Variants in ZFAND3 observed in about 807,000 individuals in gnomAD.
ZFAND3 encodes the protein zinc finger AN1-type containing 3.
Under a neutral mutation model 29.6 loss-of-function variants are expected in ZFAND3, and 10 were observed. The ratio of observed to expected loss-of-function variants is 0.34; its 90% CI spans 0.21 to 0.57. The LOEUF is 0.57. Among genes scored for constraint, ZFAND3 ranks in the 20% least tolerant of loss-of-function variants. The pLI, the probability that ZFAND3 is intolerant of heterozygous loss-of-function variation, is 0.86. For synonymous variants in ZFAND3, 128 were observed against 112.6 expected (o/e 1.14, Z -0.87); for missense variants, 230 against 304.5 (o/e 0.76, Z 1.82).
chr6:37,920,170 G>A (rs901329651), intron 1 of ZFAND3, among the ~76,000 whole-genome samples: 1 of 148,772 alleles, frequency 6.7e-6, no homozygotes, highest in Middle Eastern at 3.5e-3. Flanking sequence ...GATAACTTTA[G>A]GGAAGAAAAC....
chr6:37,887,246 T>C (rs892328230), intron 1 of ZFAND3, among the ~76,000 whole-genome samples: 1 of 152,216 alleles, frequency 6.6e-6, no homozygotes, highest in Non-Finnish European at 1.5e-5. Context: ...AGTAATTCTC[T>C]TGTAAAAACA....
intron 2 of ZFAND3, among the ~76,000 whole-genome samples, chr6:37,966,314 AC>A (rs1157092724): frequency 4.6e-5 from 7 of 152,202 alleles, no homozygotes. Flanking sequence ...TTTAGGGAAA[AC>A]TAAGCATTAC....
intron 4 of ZFAND3, among the ~76,000 whole-genome samples, chr6:38,113,620 G>A (rs78870168): frequency 0.013 from 1,952 of 152,314 alleles, 19 homozygotes; most frequent in Middle Eastern, 0.044. Context: ...TCCCATCAAA[G>A]TGGGTTGTTT....
intron 1 of ZFAND3, among the ~76,000 whole-genome samples, chr6:37,920,422 TAG>T (rs1199722055): frequency 6.6e-6 from 1 of 152,260 alleles, no homozygotes; most frequent in Admixed American, 6.5e-5. Context: ...CTGTAATTGT[TAG>T]ATGGTGCTGG....
At chr6:38,021,252 G>C (rs1387208073) in intron 2 of ZFAND3, among the ~76,000 whole-genome samples, 1 of 152,198 alleles carries the variant, frequency 6.6e-6, no homozygotes, top group Non-Finnish European at 1.5e-5. Context: ...GCCGCGATAA[G>C]TAATGTGGAG....
intron 1 of ZFAND3, among the ~76,000 whole-genome samples, chr6:37,885,187 T>C (rs1276184384): frequency 6.6e-6 from 1 of 151,760 alleles, no homozygotes; most frequent in African/African-American, 2.4e-5. Context: ...AGAGACAAGA[T>C]TGGGAAAAAA....
intron 3 of ZFAND3, among the ~76,000 whole-genome samples, chr6:38,069,832 T>G (rs1237004420): frequency 2.0e-5 from 3 of 152,242 alleles, no homozygotes; most frequent in African/African-American, 7.2e-5. Flanking sequence ...ACCTTCCATT[T>G]GTAGTCAAAA....
chr6:37,897,586 A>G (rs1218906182), intron 1 of ZFAND3, among the ~76,000 whole-genome samples: 2 of 152,224 alleles, frequency 1.3e-5, no homozygotes, highest in African/African-American at 2.4e-5. Context: ...GGTAGTGGCT[A>G]TACCAGTTTA....
At chr6:37,971,039 T>G (rs1762378923) in intron 2 of ZFAND3, among the ~76,000 whole-genome samples, 1 of 152,244 alleles carries the variant, frequency 6.6e-6, no homozygotes, top group Non-Finnish European at 1.5e-5. Context: ...TGATGTAGTT[T>G]GTGATGTTGA....
intron 1 of ZFAND3, among the ~76,000 whole-genome samples, chr6:37,909,586 T>G (rs1765483531): frequency 6.6e-6 from 1 of 151,850 alleles, no homozygotes; most frequent in Non-Finnish European, 1.5e-5. Flanking sequence ...CAGCCTAGGT[T>G]TATTTCTGAA....
At chr6:38,044,407 C>A (rs952333850) in intron 2 of ZFAND3, among the ~76,000 whole-genome samples, 1 of 150,950 alleles carries the variant, frequency 6.6e-6, no homozygotes, top group African/African-American at 2.4e-5. Context: ...GGCAGGGTAA[C>A]GTTTTTAGTT....
At chr6:38,008,934 C>G (rs992536941) in intron 2 of ZFAND3, among the ~76,000 whole-genome samples, 1 of 152,040 alleles carries the variant, frequency 6.6e-6, no homozygotes, top group Non-Finnish European at 1.5e-5. Flanking sequence ...ATGCTTACAT[C>G]CAGGGTTTAA....
At chr6:37,946,271 C>T in intron 2 of ZFAND3, among the ~76,000 whole-genome samples, 1 of 152,140 alleles carries the variant, frequency 6.6e-6, no homozygotes, top group African/African-American at 2.4e-5. Flanking sequence ...GAGGCTATTT[C>T]ACTTCTGATT....
intron 2 of ZFAND3, among the ~76,000 whole-genome samples, chr6:37,944,345 C>G (rs1047462373): frequency 1.3e-5 from 2 of 151,930 alleles, no homozygotes; most frequent in Non-Finnish European, 2.9e-5. Context: ...TTTAAAAAAC[C>G]CATGATAAAG....
chr6:38,141,780 A>G (rs1765961540), intron 5 of ZFAND3, among the ~76,000 whole-genome samples: 1 of 152,228 alleles, frequency 6.6e-6, no homozygotes, highest in South Asian at 2.1e-4. Context: ...AGGAACAGAC[A>G]TGATGGGGGA....
intron 1 of ZFAND3, among the ~76,000 whole-genome samples, chr6:37,879,184 A>C (rs1427572817): frequency 6.6e-6 from 1 of 152,180 alleles, no homozygotes; most frequent in Non-Finnish European, 1.5e-5. Context: ...ATCACTGAAG[A>C]GTGGGATAGG....
chr6:37,914,672 C>CTTT (rs71542148), intron 1 of ZFAND3, among the ~76,000 whole-genome samples: 1 of 114,210 alleles, frequency 8.8e-6, no homozygotes, highest in Non-Finnish European at 1.8e-5. Flanking sequence ...CTTTTTTTTT[C>CTTT]TTTTTTTTTT....
chr6:37,855,032 T>A (rs1764355137), intron 1 of ZFAND3, among the ~76,000 whole-genome samples: 1 of 139,188 alleles, frequency 7.2e-6, no homozygotes, highest in South Asian at 2.5e-4. Context: ...GGTTGCTCAC[T>A]AATTACCTCT....
At chr6:38,112,932 C>A (rs1449258246) in intron 4 of ZFAND3, among the ~76,000 whole-genome samples, 7 of 152,108 alleles carry the variant, frequency 4.6e-5, no homozygotes, top group Non-Finnish European at 1.0e-4. Context: ...TGAGAAAATG[C>A]CGGAGAATGG....
Sources: allele counts gnomAD v4.1 joint callset (sites outside exome capture counted in the v4.1 genomes callset), GRCh38; gene constraint gnomAD v4.1.1; transcripts MANE v1.5; gene names NCBI Gene and HGNC (gene_info 2026-07-23, HGNC 2026-07-21).